The following GLRA3 variants were observed in gnomAD, a reference collection of about 807,000 sequenced individuals.
GLRA3 encodes glycine receptor alpha 3, also known as glycine receptor subunit alpha-3.
A neutral mutation model predicts 60.4 loss-of-function variants in GLRA3; 44 were observed. The observed-to-expected ratio is 0.73, with a 90% confidence interval of 0.57 to 0.94. The LOEUF (loss-of-function observed/expected upper bound fraction) is 0.94. Among genes scored for constraint, GLRA3 ranks in the 40% least tolerant of loss-of-function variants. The pLI, the probability that GLRA3 is intolerant of heterozygous loss-of-function variation, is 0.00. For synonymous variants in GLRA3, 223 were observed against 192.9 expected (o/e 1.16, Z -1.29); for missense variants, 508 against 564.6 (o/e 0.90, Z 1.02).
intron 5 of GLRA3, among the ~76,000 whole-genome samples, chr4:174,693,094 C>T (rs1170653534): frequency 6.6e-6 from 1 of 151,980 alleles, no homozygotes; most frequent in Non-Finnish European, 1.5e-5. Flanking sequence ...ATATTTTCTC[C>T]CATTCTGTGG....
chr4:174,819,582 G>GA (rs1008783129), intron 1 of GLRA3, among the ~76,000 whole-genome samples: 4 of 151,892 alleles, frequency 2.6e-5, no homozygotes, highest in Admixed American at 6.6e-5. Flanking sequence ...TTCCATTCCA[G>GA]AAAAAAATGT....
chr4:174,783,941 A>T (rs1261873681), intron 2 of GLRA3, among the ~76,000 whole-genome samples: 1 of 150,960 alleles, frequency 6.6e-6, no homozygotes, highest in Admixed American at 6.6e-5. Flanking sequence ...AACTAGAAAT[A>T]CCATTTGATC....
chr4:174,672,974 C>T (rs1440555423), intron 7 of GLRA3, among the ~76,000 whole-genome samples: 1 of 151,818 alleles, frequency 6.6e-6, no homozygotes, highest in Non-Finnish European at 1.5e-5. Context: ...GTTCAAAAGT[C>T]TCTGATATGA....
intron 5 of GLRA3, among the ~76,000 whole-genome samples, chr4:174,706,099 G>A (rs574895900): frequency 1.1e-4 from 16 of 151,966 alleles, no homozygotes; most frequent in South Asian, 6.2e-4. Context: ...GCGTGGTGGC[G>A]GGCACCTGTA....
chr4:174,704,253 C>T (rs1735433790), intron 5 of GLRA3, among the ~76,000 whole-genome samples: 1 of 143,582 alleles, frequency 7.0e-6, no homozygotes, highest in Non-Finnish European at 1.5e-5. Context: ...GAGGTCACAC[C>T]ACTGCACTCC....
intron 3 of GLRA3, among the ~76,000 whole-genome samples, chr4:174,739,775 G>C (rs909022520): frequency 6.6e-6 from 1 of 152,028 alleles, no homozygotes; most frequent in African/African-American, 2.4e-5. Flanking sequence ...CATTTTTACC[G>C]AAAAGGAAAG....
At chr4:174,680,041 T>C (rs980465329) in intron 6 of GLRA3, among the ~76,000 whole-genome samples, 6 of 152,234 alleles carry the variant, frequency 3.9e-5, no homozygotes, top group Admixed American at 1.3e-4. Context: ...ATCTATGAGG[T>C]GATAGATGTC....
intron 2 of GLRA3, among the ~76,000 whole-genome samples, chr4:174,770,200 G>C (rs991003888): frequency 1.1e-4 from 17 of 152,030 alleles, no homozygotes; most frequent in Non-Finnish European, 5.9e-5. Flanking sequence ...TAAAGTTTAG[G>C]TTTCAAAGGC....
intron 5 of GLRA3, among the ~76,000 whole-genome samples, chr4:174,706,360 A>T (rs1024814256): frequency 6.6e-6 from 1 of 152,234 alleles, no homozygotes; most frequent in African/African-American, 2.4e-5. Context: ...TGACATAAGG[A>T]TTATGGTAAC....
intron 3 of GLRA3, among the ~76,000 whole-genome samples, chr4:174,737,124 T>G (rs1008357393): frequency 1.3e-5 from 2 of 152,200 alleles, no homozygotes; most frequent in African/African-American, 2.4e-5. Flanking sequence ...TTGGGACTAA[T>G]GTTATAGAAC....
At chr4:174,789,414 TG>T (rs375448124) in intron 1 of GLRA3, among the ~76,000 whole-genome samples, 6 of 152,340 alleles carry the variant, frequency 3.9e-5, no homozygotes, top group African/African-American at 1.4e-4. Context: ...AATTAAACAA[TG>T]TTTTTTTCTT....
chr4:174,672,326 G>A (rs536117106), intron 7 of GLRA3, among the ~76,000 whole-genome samples: 6 of 152,190 alleles, frequency 3.9e-5, no homozygotes, highest in South Asian at 4.2e-4. Context: ...AAAGGAGACC[G>A]AAAACTTAAA....
intron 1 of GLRA3, among the ~76,000 whole-genome samples, chr4:174,818,526 C>G (rs1469773018): frequency 1.3e-5 from 2 of 152,114 alleles, no homozygotes; most frequent in Non-Finnish European, 2.9e-5. Flanking sequence ...GAGGCACCAG[C>G]AAAGGTCTGC....
At chr4:174,645,741 C>T (rs1028773994) in intron 9 of GLRA3, among the ~76,000 whole-genome samples, 22 of 152,096 alleles carry the variant, frequency 1.4e-4, no homozygotes, top group African/African-American at 3.1e-4. Context: ...GTTGTAAGCT[C>T]GCAAAAATTG....
intron 3 of GLRA3, 113 bp from the exon 4 acceptor site, chr4:174,728,811 C>T (rs527978245): frequency 3.2e-6 from 2 of 628,556 alleles, no homozygotes; most frequent in Non-Finnish European, 5.5e-6. Context: ...AAATATACCC[C>T]TCTTGGGGAC....
intron 8 of GLRA3, among the ~76,000 whole-genome samples, chr4:174,658,542 C>A (rs1186564331): frequency 4.6e-5 from 7 of 152,056 alleles, no homozygotes; most frequent in Non-Finnish European, 2.9e-5. Context: ...GTGTTTCCCA[C>A]AGGGTTTCAA....
chr4:174,691,723 G>T (rs1734819978), intron 5 of GLRA3, among the ~76,000 whole-genome samples: 2 of 152,154 alleles, frequency 1.3e-5, no homozygotes, highest in Admixed American at 6.5e-5. Context: ...GAGTGCAGTG[G>T]CGTGATCTCG....
chr4:174,812,269 T>C (rs1307045439), intron 1 of GLRA3, among the ~76,000 whole-genome samples: 1 of 152,138 alleles, frequency 6.6e-6, no homozygotes, highest in South Asian at 2.1e-4. Flanking sequence ...CACCAATCTC[T>C]AGAGTCTCCA....
intron 5 of GLRA3, among the ~76,000 whole-genome samples, chr4:174,686,767 A>C (rs1734567955): frequency 6.6e-6 from 1 of 152,200 alleles, no homozygotes; most frequent in Admixed American, 6.5e-5. Flanking sequence ...CAGGCTCAAG[A>C]AGCAGCAAAA....
Sources: allele counts gnomAD v4.1 joint callset (sites outside exome capture counted in the v4.1 genomes callset), GRCh38; gene constraint gnomAD v4.1.1; transcripts MANE v1.5; gene names NCBI Gene and HGNC (gene_info 2026-07-23, HGNC 2026-07-21).